TMEM38B: variants seen among roughly 807,000 people sequenced by gnomAD.
TMEM38B encodes transmembrane protein 38B, also known as trimeric intracellular cation channel type B.
A neutral mutation model predicts 28.7 loss-of-function variants in TMEM38B; 24 were observed. The ratio of observed to expected loss-of-function variants is 0.84; its 90% CI spans 0.61 to 1.18. The LOEUF (loss-of-function observed/expected upper bound fraction) is 1.18. Among genes scored for constraint, TMEM38B ranks in the 50% most tolerant of loss-of-function variants. The pLI is 0.00. For synonymous variants in TMEM38B, 131 were observed against 127.7 expected (o/e 1.03, Z -0.17); for missense variants, 380 against 350.9 (o/e 1.08, Z -0.66).
chr9:105,749,156 C>T, intron 5 of TMEM38B: 1 of 1,264,260 alleles, frequency 7.9e-7, no homozygotes. Flanking sequence ...TAGTCTCTTC[C>T]AGTCCTCAAA....
At chr9:105,759,290 A>G in intron 5 of TMEM38B, 1 of 781,332 alleles carries the variant, frequency 1.3e-6, no homozygotes, top group South Asian at 1.6e-5. Flanking sequence ...ATAGAATCCA[A>G]GATGATCCAC....
At chr9:105,753,992 CAG>C (rs1258320596) in intron 5 of TMEM38B, among the ~76,000 whole-genome samples, 1 of 152,080 alleles carries the variant, frequency 6.6e-6, no homozygotes, top group Non-Finnish European at 1.5e-5. Flanking sequence ...AAATGGAAAA[CAG>C]AGAAAAGCAG....
At chr9:105,717,760 TTATATTAATATC>T (rs1231690937) in intron 2 of TMEM38B, among the ~76,000 whole-genome samples, 1 of 152,200 alleles carries the variant, frequency 6.6e-6, no homozygotes, top group Non-Finnish European at 1.5e-5. Context: ...GTATAGTCCA[TTATATTAATATC>T]TATATTTTAT....
intron 2 of TMEM38B, among the ~76,000 whole-genome samples, chr9:105,708,691 TTC>T (rs1311861591): frequency 1.1e-4 from 16 of 152,298 alleles, no homozygotes; most frequent in African/African-American, 3.6e-4. Context: ...CCTTTGTACT[TTC>T]TTTCTTCTCT....
intron 5 of TMEM38B, among the ~76,000 whole-genome samples, chr9:105,755,799 A>G (rs1440186665): frequency 6.6e-6 from 1 of 152,214 alleles, no homozygotes; most frequent in Non-Finnish European, 1.5e-5. Context: ...TTGATTTTAT[A>G]CTAAATACAA....
At chr9:105,716,582 T>C (rs550514256) in intron 2 of TMEM38B, among the ~76,000 whole-genome samples, 1 of 152,322 alleles carries the variant, frequency 6.6e-6, no homozygotes, top group South Asian at 2.1e-4. Context: ...CCTTGTCACA[T>C]AGTTTTGTTG....
intron 5 of TMEM38B, among the ~76,000 whole-genome samples, chr9:105,772,507 G>T (rs1564422159): frequency 6.6e-6 from 1 of 152,046 alleles, no homozygotes; most frequent in Non-Finnish European, 1.5e-5. Flanking sequence ...TTGAATAGTA[G>T]CCCCATCAGG....
In TMEM38B at chr9:105,773,936, A is replaced by G. The variant is rs144364513; in HGVS notation, c.732A>G (p.Leu244=). 1.1e-5 allele frequency: 17 copies of G among 1,613,768 alleles called. No homozygotes were observed. The African/African-American group carries it at 1.5e-4, about 14-fold the overall frequency. ...TTGAGGATACATTGAGTTGGATGCT[A>G]TTTGGCTGGCAGCAGCCGTTTTCAT... ...APFEDTLSWM[L]FGWQQPFSSC... is the part of the protein sequence containing the mutation. Residue 244 remains leucine, a synonymous_variant, in exon 6 of 6, where the codon CTA becomes CTG. Coordinates refer to ENST00000374692, the MANE Select transcript of TMEM38B (RefSeq NM_018112.3).
At chr9:105,722,699 G>A in intron 4 of TMEM38B, 78 bp downstream of exon 4, 1 of 1,206,090 alleles carries the variant, frequency 8.3e-7, no homozygotes, top group Non-Finnish European at 1.2e-6. Flanking sequence ...GAACATTTTA[G>A]GGACTTTAAA....
rs140073607 is a variant in TMEM38B at position 105,750,716 on chromosome 9, C to T, written c.660+2526C>T. ...GTGTGTCATAGCTAAGAAACCGTTGCCAAATCTAAGGTCATGAAGATTTAC... is the reference window on the plus strand; with the variant it reads ...GTGTGTCATAGCTAAGAAACCGTTGTCAAATCTAAGGTCATGAAGATTTAC... On this transcript the variant is annotated intron_variant, in intron 5 of 5. Transcript: ENST00000374692. Among the ~76,000 whole-genome samples the T allele has an allele frequency of 4.3e-3, 655 of 152,184 alleles. 2 individuals are homozygous for T. The highest frequency in any genetic ancestry group is 6.8e-3 in the Middle Eastern group (2 of 294).
intron 5 of TMEM38B, among the ~76,000 whole-genome samples, chr9:105,772,928 T>C (rs1156831423): frequency 1.3e-5 from 2 of 152,104 alleles, no homozygotes; most frequent in Non-Finnish European, 2.9e-5. Context: ...TATATACTTT[T>C]CTTCCACCTC....
chr9:105,719,287 G>A (rs1354588682), intron 2 of TMEM38B, among the ~76,000 whole-genome samples: 2 of 152,082 alleles, frequency 1.3e-5, no homozygotes, highest in African/African-American at 4.8e-5. Context: ...TGAGAAGTCA[G>A]TTGTTTTCTC....
chr9:105,762,040 G>T (rs1433751258), intron 5 of TMEM38B, among the ~76,000 whole-genome samples: 2 of 151,948 alleles, frequency 1.3e-5, no homozygotes, highest in Admixed American at 1.3e-4. Context: ...CTCCAAGGTT[G>T]TTTAATATCT....
At chr9:105,721,388 G>A in intron 2 of TMEM38B, 149 bp from the exon 3 acceptor site, 2 of 627,476 alleles carry the variant, frequency 3.2e-6, no homozygotes, top group Non-Finnish European at 5.2e-6. Flanking sequence ...CCCTACCCAA[G>A]TTGTGCTTTT....
intron 5 of TMEM38B, among the ~76,000 whole-genome samples, chr9:105,767,761 G>A (rs1456971014): frequency 6.6e-6 from 1 of 152,112 alleles, no homozygotes; most frequent in Non-Finnish European, 1.5e-5. Context: ...TACATTGCTT[G>A]TAAGAATAAT....
intron 5 of TMEM38B, chr9:105,759,170 T>C: frequency 1.3e-6 from 1 of 757,490 alleles, no homozygotes; most frequent in South Asian, 1.4e-5. Flanking sequence ...TCACAGATTA[T>C]TTTCTAGATC....
chr9:105,742,856 G>A (rs1481635888), intron 4 of TMEM38B, among the ~76,000 whole-genome samples: 1 of 152,118 alleles, frequency 6.6e-6, no homozygotes, highest in Non-Finnish European at 1.5e-5. Flanking sequence ...TTTTAATTTT[G>A]TGTACATTTT....
intron 4 of TMEM38B, among the ~76,000 whole-genome samples, chr9:105,724,696 C>T (rs1453362807): frequency 1.3e-5 from 2 of 151,340 alleles, no homozygotes; most frequent in Admixed American, 6.6e-5. Context: ...TAACAAATTT[C>T]GGGATATTTA....
intron 5 of TMEM38B, among the ~76,000 whole-genome samples, chr9:105,770,131 T>C (rs536699976): frequency 2.0e-5 from 3 of 152,288 alleles, no homozygotes; most frequent in Admixed American, 6.5e-5. Flanking sequence ...TAAGATGTAT[T>C]ATTGAACACA....
Sources: allele counts gnomAD v4.1 joint callset (sites outside exome capture counted in the v4.1 genomes callset), GRCh38; gene constraint gnomAD v4.1.1; transcripts MANE v1.5; gene names NCBI Gene and HGNC (gene_info 2026-07-23, HGNC 2026-07-21).